POU6F2: variants seen among roughly 807,000 people sequenced by gnomAD.
The protein encoded by POU6F2 is POU class 6 homeobox 2.
In POU6F2, 31 loss-of-function variants were observed where a neutral mutation model predicts 71.3. The observed-to-expected ratio is 0.43, with a 90% CI of 0.33 to 0.59. The LOEUF (loss-of-function observed/expected upper bound fraction) is 0.59. Among genes scored for constraint, POU6F2 ranks in the 20% least tolerant of loss-of-function variants. The probability of loss-of-function intolerance (pLI) is 0.04; values close to 1 mark genes in which losing one functional copy is unlikely to be tolerated. For missense variants in POU6F2, 783 were observed against 856.8 expected, an observed-to-expected ratio of 0.91 and a Z score of 1.07; for synonymous variants, 347 against 355.7, an observed-to-expected ratio of 0.98 and a Z score of 0.27.
intron 2 of POU6F2, among the ~76,000 whole-genome samples, chr7:39,102,265 T>C (rs1791590304): frequency 6.6e-6 from 1 of 152,222 alleles, no homozygotes; most frequent in African/African-American, 2.4e-5. Context: ...TCCCCCTTTC[T>C]TGTGGTCAAA....
intron 2 of POU6F2, among the ~76,000 whole-genome samples, chr7:39,200,749 C>A (rs1451070761): frequency 6.6e-6 from 1 of 151,854 alleles, no homozygotes; most frequent in Non-Finnish European, 1.5e-5. Context: ...GTGGCTCATG[C>A]CTAAAATCCC....
rs564222580 is a variant in POU6F2 at position 39,129,801 on chromosome 7, C to T, written c.277+43770C>T. Among the ~76,000 whole-genome samples the T allele has an allele frequency of 7.2e-5, 11 of 152,184 alleles. No individual in the cohort carries two copies. The South Asian group carries it at 1.9e-3, about 26-fold the overall frequency. ...TTTTTCGGCCGGGCGCTGTGGCTCA[C>T]GCCTGGGATCCCAGCACTTTGGGAG... On this transcript the variant is annotated intron_variant, in intron 2 of 9. Coordinates refer to ENST00000518318, the MANE Select transcript of POU6F2 (RefSeq NM_001370959.1).
At chr7:38,997,043 C>T (rs1225888745) in intron 1 of POU6F2, among the ~76,000 whole-genome samples, 2 of 152,166 alleles carry the variant, frequency 1.3e-5, no homozygotes, top group Non-Finnish European at 2.9e-5. Context: ...GACCTTCACA[C>T]ATTTCTTTTT....
At chr7:39,277,971 C>T (rs930110800) in intron 4 of POU6F2, among the ~76,000 whole-genome samples, 35 of 152,028 alleles carry the variant, frequency 2.3e-4, no homozygotes, top group African/African-American at 6.5e-4. Context: ...TCAGGAGAAT[C>T]GCTTGAAGCT....
intron 2 of POU6F2, among the ~76,000 whole-genome samples, chr7:39,126,459 G>A (rs772171618): frequency 6.6e-5 from 10 of 152,320 alleles, no homozygotes; most frequent in East Asian, 1.9e-4. Flanking sequence ...TGAGCACTCC[G>A]TCATTAAGTA....
chr7:39,104,817 A>C (rs1158422747), intron 2 of POU6F2, among the ~76,000 whole-genome samples: 1 of 152,252 alleles, frequency 6.6e-6, no homozygotes, highest in Non-Finnish European at 1.5e-5. Context: ...TAAACTTAAA[A>C]GAAAGCACTT....
At chr7:38,995,768 A>C (rs1234099536) in intron 1 of POU6F2, among the ~76,000 whole-genome samples, 1 of 152,204 alleles carries the variant, frequency 6.6e-6, no homozygotes, top group Non-Finnish European at 1.5e-5. Context: ...TATAAAAATC[A>C]CTACCTCAGA....
At chr7:39,386,052 A>AGCTT (rs1786932946) in intron 5 of POU6F2, among the ~76,000 whole-genome samples, 1 of 149,974 alleles carries the variant, frequency 6.7e-6, no homozygotes, top group Non-Finnish European at 1.5e-5. Context: ...TGGGAGGCAG[A>AGCTT]GCTTGCAGTG....
At position 39,419,441 on chromosome 7, in the gene POU6F2, T is replaced by C. The variant is rs139873873; in HGVS notation, c.1113+12701T>C. Among the ~76,000 whole-genome samples, 13 of 152,072 alleles carry C rather than the reference T, an allele frequency of 8.5e-5. No homozygotes were observed. In the East Asian group the frequency reaches 1.4e-3, roughly 16 times the overall value. On this transcript the variant is annotated intron_variant, in intron 6 of 9. Coordinates refer to ENST00000518318, the MANE Select transcript of POU6F2 (RefSeq NM_001370959.1). Reference sequence around the variant, plus strand: ...TTTTAATAGAGATGGAGTTTCACCATGTTGTCTAGGCTGGTCCCAAACTCC... The same window carrying C: ...TTTTAATAGAGATGGAGTTTCACCACGTTGTCTAGGCTGGTCCCAAACTCC...
At chr7:39,037,246 A>G (rs968658810) in intron 1 of POU6F2, among the ~76,000 whole-genome samples, 5 of 152,072 alleles carry the variant, frequency 3.3e-5, no homozygotes, top group African/African-American at 1.2e-4. Context: ...CTGAAAATTA[A>G]CCTCATTTAT....
chr7:39,287,971 G>A (rs1784681068), intron 4 of POU6F2, among the ~76,000 whole-genome samples: 1 of 152,176 alleles, frequency 6.6e-6, no homozygotes, highest in Admixed American at 6.5e-5. Flanking sequence ...GTCAGTAGGG[G>A]AGATTGCTGA....
chr7:39,034,581 C>A, intron 1 of POU6F2: 1 of 308,802 alleles, frequency 3.2e-6, no homozygotes, highest in Non-Finnish European at 7.0e-6. Context: ...CAGAAGGTCA[C>A]TAGGGGAATC....
chr7:39,231,173 G>A (rs549614737), intron 4 of POU6F2, among the ~76,000 whole-genome samples: 3 of 152,246 alleles, frequency 2.0e-5, no homozygotes, highest in East Asian at 3.9e-4. Context: ...AAATAACAAA[G>A]GGTAAAGAAG....
At position 39,277,148 on chromosome 7, in the gene POU6F2, AC is replaced by A. The variant is rs1169883801; in HGVS notation, c.599-62493del. On this transcript the variant is annotated intron_variant, in intron 4 of 9. Transcript: ENST00000518318. Reference sequence around the variant, plus strand: ...AAAAACAATAGCTAAGATTGAAGAAACAGTACAGTTTCAAGTAAATAAAGGT... The same window carrying A: ...AAAAACAATAGCTAAGATTGAAGAAAAGTACAGTTTCAAGTAAATAAAGGT... Among the ~76,000 whole-genome samples the A allele has an allele frequency of 2.0e-5, 3 of 152,340 alleles. No homozygotes were observed. In the East Asian group the frequency reaches 5.8e-4, roughly 29 times the overall value.
rs1790885591 is a variant in POU6F2 at position 39,071,691 on chromosome 7, AC to A, written c.106-14168del. ...CACACACACACACACACACACACAC[AC>A]ACACACAATATCAAAGTTAAATGAG... On this transcript the variant is annotated intron_variant, in intron 1 of 9. Coordinates refer to ENST00000518318, the MANE Select transcript of POU6F2 (RefSeq NM_001370959.1). Among the ~76,000 whole-genome samples, 10 of 148,350 alleles carry A rather than the reference AC, an allele frequency of 6.7e-5. 1 individual carries two copies. Among genetic ancestry groups the A allele is most frequent in the Admixed American group, 2.0e-4 (3 of 15,030 alleles).
chr7:39,211,030 C>G (rs2128746614), intron 4 of POU6F2, among the ~76,000 whole-genome samples: 1 of 152,232 alleles, frequency 6.6e-6, no homozygotes, highest in African/African-American at 2.4e-5. Context: ...AGATGTCTGT[C>G]TTTTTACTGT....
intron 2 of POU6F2, among the ~76,000 whole-genome samples, chr7:39,087,192 A>G (rs888400429): frequency 2.1e-5 from 3 of 144,222 alleles, no homozygotes; most frequent in African/African-American, 7.7e-5. Flanking sequence ...TTATTTATTT[A>G]TTTATTTTAA....
chr7:39,034,684 G>A (rs1051426820), intron 1 of POU6F2, among the ~76,000 whole-genome samples: 1 of 152,088 alleles, frequency 6.6e-6, no homozygotes, highest in African/African-American at 2.4e-5. Context: ...AGCTTCAAAT[G>A]CGGGTTGGCT....
chr7:39,291,792 G>A (rs1055410100), intron 4 of POU6F2, among the ~76,000 whole-genome samples: 1 of 152,156 alleles, frequency 6.6e-6, no homozygotes, highest in African/African-American at 2.4e-5. Flanking sequence ...AAAGCTATCT[G>A]GTGACAGGGA....
Sources: allele counts gnomAD v4.1 joint callset (sites outside exome capture counted in the v4.1 genomes callset), GRCh38; gene constraint gnomAD v4.1.1; transcripts MANE v1.5; gene names NCBI Gene and HGNC (gene_info 2026-07-23, HGNC 2026-07-21).